DLG2: variants seen among roughly 807,000 people sequenced by gnomAD.
DLG2 encodes the protein disks large homolog 2.
Under a neutral mutation model 132.5 loss-of-function variants are expected in DLG2, and 45 were observed. The ratio of observed to expected loss-of-function variants is 0.34; its 90% CI spans 0.27 to 0.44. The LOEUF (loss-of-function observed/expected upper bound fraction) is 0.44. DLG2 is among the 20% of genes least tolerant of loss of function. The pLI, the probability that DLG2 is intolerant of heterozygous loss-of-function variation, is 1.00. For synonymous variants in DLG2, 424 were observed against 419.6 expected (o/e 1.01, Z -0.13); for missense variants, 1,045 against 1,196.9 (o/e 0.87, Z 1.87).
chr11:84,429,607 G>A (rs1266551285), intron 7 of DLG2, among the ~76,000 whole-genome samples: 1 of 152,174 alleles, frequency 6.6e-6, no homozygotes, highest in Non-Finnish European at 1.5e-5. Context: ...GAGGAAATAA[G>A]ACTACCTCAG....
At chr11:84,922,304 G>C (rs571376579) in intron 6 of DLG2, among the ~76,000 whole-genome samples, 27 of 152,168 alleles carry the variant, frequency 1.8e-4, no homozygotes, top group African/African-American at 6.5e-4. Flanking sequence ...GTTAACCAAG[G>C]ATGTAATTCA....
intron 6 of DLG2, among the ~76,000 whole-genome samples, chr11:84,563,794 A>G (rs1485808912): frequency 6.6e-6 from 1 of 152,166 alleles, no homozygotes; most frequent in African/African-American, 2.4e-5. Context: ...ACATCTTAGC[A>G]GCTATGTGAC....
intron 22 of DLG2, among the ~76,000 whole-genome samples, chr11:83,478,374 T>C (rs2092798285): frequency 6.6e-6 from 1 of 152,212 alleles, no homozygotes; most frequent in Non-Finnish European, 1.5e-5. Flanking sequence ...TTTGCCCTAC[T>C]AATGTCATAG....
At chr11:84,977,069 T>C (rs1043764772) in intron 6 of DLG2, among the ~76,000 whole-genome samples, 3 of 152,068 alleles carry the variant, frequency 2.0e-5, no homozygotes, top group African/African-American at 4.8e-5. Flanking sequence ...TCTGACAGAA[T>C]CGTAATTCTG....
At chr11:84,442,568 A>T (rs536419808) in intron 7 of DLG2, among the ~76,000 whole-genome samples, 1 of 152,102 alleles carries the variant, frequency 6.6e-6, no homozygotes, top group African/African-American at 2.4e-5. Flanking sequence ...ATTAGGAAAA[A>T]TACCTAATGT....
intron 4 of DLG2, among the ~76,000 whole-genome samples, chr11:85,166,844 T>A (rs2078488066): frequency 6.6e-6 from 1 of 152,130 alleles, no homozygotes; most frequent in Non-Finnish European, 1.5e-5. Flanking sequence ...ACACAATATG[T>A]ATGGACAAAT....
intron 18 of DLG2, among the ~76,000 whole-genome samples, chr11:83,757,893 G>C (rs755864407): frequency 1.3e-5 from 2 of 152,052 alleles, no homozygotes; most frequent in Non-Finnish European, 2.9e-5. Context: ...CTGTAGAAAA[G>C]CTGGTATCAG....
chr11:84,369,737 A>G (rs984275082), intron 7 of DLG2, among the ~76,000 whole-genome samples: 5 of 152,170 alleles, frequency 3.3e-5, no homozygotes, highest in African/African-American at 1.2e-4. Flanking sequence ...GAACTGCTGT[A>G]TAAAACCCTT....
intron 19 of DLG2, among the ~76,000 whole-genome samples, chr11:83,580,693 A>T (rs34746124): frequency 0.05 from 7,597 of 152,232 alleles, 215 homozygotes; most frequent in South Asian, 0.11. Flanking sequence ...AACTTTCAAC[A>T]TAAAAATTCT....
chr11:85,015,179 A>G (rs1026121961), intron 6 of DLG2, among the ~76,000 whole-genome samples: 1 of 152,212 alleles, frequency 6.6e-6, no homozygotes, highest in African/African-American at 2.4e-5. Flanking sequence ...CAAACTGAGT[A>G]TCTCCCTTTG....
chr11:84,312,062 A>T (rs2098293135), intron 7 of DLG2, among the ~76,000 whole-genome samples: 1 of 152,236 alleles, frequency 6.6e-6, no homozygotes, highest in Non-Finnish European at 1.5e-5. Context: ...TCATTCATTT[A>T]TTCCTTAAAT....
intron 6 of DLG2, among the ~76,000 whole-genome samples, chr11:84,834,718 G>A (rs1252013523): frequency 6.6e-6 from 1 of 150,708 alleles, no homozygotes; most frequent in Non-Finnish European, 1.5e-5. Context: ...AACTTCATAG[G>A]AGAGCTGCTG....
chr11:85,104,665 C>T (rs2071405738), intron 6 of DLG2, among the ~76,000 whole-genome samples: 1 of 151,562 alleles, frequency 6.6e-6, no homozygotes, highest in African/African-American at 2.4e-5. Context: ...TGTGAAAGAA[C>T]TAACATTCAT....
intron 5 of DLG2, among the ~76,000 whole-genome samples, chr11:85,143,520 A>G (rs1378721970): frequency 2.0e-5 from 3 of 151,644 alleles, no homozygotes; most frequent in African/African-American, 7.2e-5. Flanking sequence ...ATGTATCATT[A>G]GGTTATTTAT....
At chr11:83,930,269 T>A in intron 15 of DLG2, 59 bp downstream of exon 15, 2 of 1,590,090 alleles carry the variant, frequency 1.3e-6, no homozygotes, top group South Asian at 2.2e-5. Context: ...TTCTACCCAT[T>A]TATCCTTGTG....
chr11:85,500,464 C>T (rs1400237290), intron 3 of DLG2, among the ~76,000 whole-genome samples: 2 of 146,356 alleles, frequency 1.4e-5, no homozygotes, highest in Admixed American at 6.7e-5. Flanking sequence ...GTGGGTGCAG[C>T]GCACCAGCAT....
intron 6 of DLG2, among the ~76,000 whole-genome samples, chr11:84,859,442 A>ATG (rs2154028018): frequency 6.9e-6 from 1 of 145,292 alleles, no homozygotes; most frequent in African/African-American, 2.5e-5. Context: ...ATATGTATAT[A>ATG]TACATACATA....
chr11:85,465,995 A>G (rs543284900), intron 3 of DLG2, among the ~76,000 whole-genome samples: 2 of 152,108 alleles, frequency 1.3e-5, no homozygotes, highest in Non-Finnish European at 2.9e-5. Flanking sequence ...AATGATTGCC[A>G]TTCTAACTGG....
chr11:84,471,324 G>A (rs1002043916), intron 7 of DLG2, among the ~76,000 whole-genome samples: 5 of 151,630 alleles, frequency 3.3e-5, no homozygotes, highest in African/African-American at 1.2e-4. Flanking sequence ...ATTTGTAATT[G>A]CTGCTCTGAT....
Sources: gnomAD v4.1 joint callset for allele counts (sites outside exome capture counted in the v4.1 genomes callset) on GRCh38, gnomAD v4.1.1 for gene constraint, MANE v1.5 for transcripts, NCBI Gene and HGNC (gene_info 2026-07-23, HGNC 2026-07-21) for gene names.